Variants in TXNRD1 observed in about 807,000 individuals in gnomAD.
The protein encoded by TXNRD1 is thioredoxin reductase 1, cytoplasmic.
Under a neutral mutation model 80.3 loss-of-function variants are expected in TXNRD1, and 57 were observed. The ratio of observed to expected loss-of-function variants is 0.71; its 90% confidence interval spans 0.57 to 0.89. TXNRD1 has a LOEUF of 0.89. Among genes scored for constraint, TXNRD1 ranks in the 40% least tolerant of loss-of-function variants. The pLI, the probability that TXNRD1 is intolerant of heterozygous loss-of-function variation, is 0.00. For missense variants in TXNRD1, 730 were observed against 803.0 expected, an observed-to-expected ratio of 0.91 and a Z score of 1.10; for synonymous variants, 291 against 285.2, an observed-to-expected ratio of 1.02 and a Z score of -0.20.
At chr12:104,321,679 T>G (rs577890469) in intron 10 of TXNRD1, among the ~76,000 whole-genome samples, 1 of 152,314 alleles carries the variant, frequency 6.6e-6, no homozygotes, top group East Asian at 1.9e-4. Flanking sequence ...CCACCTGCAC[T>G]CCCTGGCTCC....
chr12:104,256,971 CTTTTCTTT>C (rs1431763502), intron 2 of TXNRD1, among the ~76,000 whole-genome samples: 5 of 89,910 alleles, frequency 5.6e-5, no homozygotes, highest in South Asian at 3.6e-4. Context: ...AATATATTTT[CTTTTCTTT>C]TTTTTTTTTT....
intron 1 of TXNRD1, among the ~76,000 whole-genome samples, chr12:104,242,222 A>G (rs1436988524): frequency 6.7e-6 from 1 of 150,352 alleles, no homozygotes; most frequent in Non-Finnish European, 1.5e-5. Context: ...TACAGGCATG[A>G]GCCACTGTGT....
In TXNRD1 at chr12:104,241,903, T is replaced by C. The variant is rs188019234; in HGVS notation, c.92-9624T>C. On this transcript the variant is annotated intron_variant, in intron 1 of 16. Coordinates refer to ENST00000525566, the MANE Select transcript of TXNRD1 (RefSeq NM_001093771.3). Reference sequence around the variant, plus strand: ...TAAGAAAAACTTTAACATTTTATTTTTTCATTTAACATCTTTTATTTTTTA... The same window carrying C: ...TAAGAAAAACTTTAACATTTTATTTCTTCATTTAACATCTTTTATTTTTTA... Among the ~76,000 whole-genome samples, 231 of 151,518 alleles carry C rather than the reference T, an allele frequency of 1.5e-3. 1 individual carries two copies. The highest frequency in any genetic ancestry group is 5.2e-3 in the African/African-American group (214 of 41,388).
In TXNRD1 at chr12:104,314,184, G is replaced by A. The variant is rs34798686; in HGVS notation, c.610+867G>A. ...GGTGTCACTATTGAGGGCTTTGTAG[G>A]CCAAGATGAGGAATTTGGACTAATC... On this transcript the variant is annotated intron_variant, in intron 6 of 16. Transcript: ENST00000525566. 5.9e-3 allele frequency among the ~76,000 whole-genome samples: 894 copies of A among 152,310 alleles called. 15 individuals are homozygous for A. The highest frequency in any genetic ancestry group is 0.02 in the African/African-American group (839 of 41,564).
chr12:104,343,111 T>C (rs2036379539), intron 16 of TXNRD1, among the ~76,000 whole-genome samples: 1 of 152,232 alleles, frequency 6.6e-6, no homozygotes, highest in Non-Finnish European at 1.5e-5. Flanking sequence ...GAGGGCCTGC[T>C]GTGTGCTGGG....
chr12:104,325,655 C>T (rs1053515010), intron 11 of TXNRD1, among the ~76,000 whole-genome samples: 1 of 152,042 alleles, frequency 6.6e-6, no homozygotes, highest in South Asian at 2.1e-4. Context: ...GGGCAGATCA[C>T]GAGGTCAAGG....
At chr12:104,282,418 G>T (rs1323065349) in intron 3 of TXNRD1, among the ~76,000 whole-genome samples, 1 of 152,194 alleles carries the variant, frequency 6.6e-6, no homozygotes, top group Non-Finnish European at 1.5e-5. Context: ...GGAATGACAA[G>T]AATGACCCAA....
rs1425390770 is a variant in TXNRD1 at position 104,280,264 on chromosome 12, C to T, written c.305-8667C>T. ...ACCTACCACCATTTTCATAAGTGACCTCCATGACTCAGCCCTTACCTTATA... is the reference window on the plus strand; with the variant it reads ...ACCTACCACCATTTTCATAAGTGACTTCCATGACTCAGCCCTTACCTTATA... On this transcript the variant is annotated intron_variant, in intron 3 of 16. Coordinates refer to ENST00000525566, the MANE Select transcript of TXNRD1 (RefSeq NM_001093771.3). 5 of 152,106 alleles carry T rather than the reference C, an allele frequency of 3.3e-5. No homozygotes were observed. The East Asian group carries it at 9.6e-4, about 29-fold the overall frequency. The allele number at this position is 152,106 out of a possible 1,614,324, so 9.4% of individuals were successfully genotyped here.
chr12:104,311,746 C>T (rs1280261610), intron 5 of TXNRD1, among the ~76,000 whole-genome samples: 1 of 151,974 alleles, frequency 6.6e-6, no homozygotes, highest in Non-Finnish European at 1.5e-5. Flanking sequence ...TTTGGGAGTC[C>T]GAGGTGGGCG....
chr12:104,217,075 G>A (rs759822529), intron 1 of TXNRD1, among the ~76,000 whole-genome samples: 1 of 152,100 alleles, frequency 6.6e-6, no homozygotes, highest in Admixed American at 6.6e-5. Flanking sequence ...ACTTGGATTA[G>A]GGGAAGGGAA....
chr12:104,303,869 G>T, intron 4 of TXNRD1: 2 of 1,480,344 alleles, frequency 1.4e-6, no homozygotes, highest in South Asian at 2.7e-5. Context: ...GAAAGGAGAG[G>T]AGCAGCTCGT....
chr12:104,262,850 A>T (rs56406045), intron 3 of TXNRD1, among the ~76,000 whole-genome samples: 10,381 of 151,204 alleles, frequency 0.069, 451 homozygotes, highest in Middle Eastern at 0.15. Flanking sequence ...TGTACTGCCT[A>T]ACTGGATTGG....
At chr12:104,309,980 C>G (rs879031738) in intron 4 of TXNRD1, 1 of 1,536,168 alleles carries the variant, frequency 6.5e-7, no homozygotes, top group African/African-American at 1.4e-5. Flanking sequence ...TCCTCCTTCA[C>G]ATTGCTCCAC....
intron 14 of TXNRD1, among the ~76,000 whole-genome samples, chr12:104,332,960 T>C (rs2036010729): frequency 1.3e-5 from 2 of 151,866 alleles, no homozygotes; most frequent in African/African-American, 4.8e-5. Context: ...TGTGTGAGTA[T>C]GTATGTCTTA....
chr12:104,254,365 A>G (rs2033192089), intron 2 of TXNRD1, among the ~76,000 whole-genome samples: 1 of 152,096 alleles, frequency 6.6e-6, no homozygotes, highest in African/African-American at 2.4e-5. Flanking sequence ...CTGAGGCTAG[A>G]TTAAATGGTA....
chr12:104,255,504 T>A (rs2033228589), intron 2 of TXNRD1, among the ~76,000 whole-genome samples: 1 of 152,072 alleles, frequency 6.6e-6, no homozygotes, highest in East Asian at 1.9e-4. Flanking sequence ...CATGCTTATT[T>A]AAACATACAG....
intron 16 of TXNRD1, among the ~76,000 whole-genome samples, chr12:104,341,382 C>T (rs777502708): frequency 1.8e-4 from 28 of 152,062 alleles, no homozygotes; most frequent in Admixed American, 5.2e-4. Context: ...TACACAGTGC[C>T]GTGCTGGACA....
chr12:104,287,095 C>T (rs2135740924), intron 3 of TXNRD1: 1 of 1,447,158 alleles, frequency 6.9e-7, no homozygotes, highest in Non-Finnish European at 9.0e-7. Flanking sequence ...ATGTCTTCAT[C>T]ATTCTCAAAT....
intron 15 of TXNRD1, among the ~76,000 whole-genome samples, chr12:104,337,177 G>A (rs2036166940): frequency 6.6e-6 from 1 of 151,872 alleles, no homozygotes; most frequent in African/African-American, 2.4e-5. Flanking sequence ...TCTATTTTAA[G>A]TGCTTTTTAG....
Sources: allele counts gnomAD v4.1 joint callset (sites outside exome capture counted in the v4.1 genomes callset), GRCh38; gene constraint gnomAD v4.1.1; transcripts MANE v1.5; gene names NCBI Gene and HGNC (gene_info 2026-07-23, HGNC 2026-07-21).